MYO5A: variants seen among roughly 807,000 people sequenced by gnomAD.
The protein encoded by MYO5A is unconventional myosin-Va.
Under a neutral mutation model 249.7 loss-of-function variants are expected in MYO5A, and 98 were observed. That is an observed-to-expected ratio of 0.39 (90% CI 0.33 to 0.46). The LOEUF (loss-of-function observed/expected upper bound fraction) is 0.46, where lower values mean the gene tolerates loss of function less well. Among genes scored for constraint, MYO5A ranks in the 20% least tolerant of loss-of-function variants. The pLI, the probability that MYO5A is intolerant of heterozygous loss-of-function variation, is 0.98. For missense variants in MYO5A, 1,696 were observed against 2,308.8 expected, an observed-to-expected ratio of 0.73 and a Z score of 5.44; for synonymous variants, 778 against 810.6, an observed-to-expected ratio of 0.96 and a Z score of 0.68.
At chr15:52,351,721 T>G (rs568224417) in intron 27 of MYO5A, among the ~76,000 whole-genome samples, 7 of 152,320 alleles carry the variant, frequency 4.6e-5, no homozygotes, top group African/African-American at 1.7e-4. Context: ...CAGAGTCAAA[T>G]GTAGTATTCT....
At position 52,512,195 on chromosome 15, in the gene MYO5A, C is replaced by T. The variant is rs552848627; in HGVS notation, c.27+16585G>A. ...AAAAAAAAATTGATATCATAATTCACCAAGTTTGTGTTCCAATATTGTTAT... is the reference window on the plus strand; with the variant it reads ...AAAAAAAAATTGATATCATAATTCATCAAGTTTGTGTTCCAATATTGTTAT... On this transcript the variant is annotated intron_variant, in intron 1 of 41. Coordinates refer to ENST00000399233, the MANE Select transcript of MYO5A (RefSeq NM_001382347.1). Among the ~76,000 whole-genome samples, 31 of 151,478 alleles carry T rather than the reference C, an allele frequency of 2.0e-4. 3 individuals carry two copies. In the South Asian group the frequency reaches 6.5e-3, roughly 32 times the overall value.
chr15:52,506,413 G>T (rs1485624148), intron 1 of MYO5A, among the ~76,000 whole-genome samples: 1 of 151,916 alleles, frequency 6.6e-6, no homozygotes, highest in African/African-American at 2.4e-5. Context: ...TGTAATCCCA[G>T]CTACTCAGGT....
chr15:52,323,615 C>A (rs760854320), intron 36 of MYO5A, 171 bp from the exon 37 acceptor site: 2 of 567,210 alleles, frequency 3.5e-6, no homozygotes, highest in Admixed American at 2.8e-5. Context: ...AGAATGTCAG[C>A]GACCAGGTTC....
chr15:52,452,443 T>C lies in MYO5A; in HGVS notation c.28-19158A>G, dbSNP rs542790809. Among the ~76,000 whole-genome samples the C allele has an allele frequency of 2.0e-5, 3 of 152,256 alleles. No homozygotes were observed. In the East Asian group the frequency reaches 5.8e-4, roughly 29 times the overall value. Reference sequence around the variant, plus strand: ...TTGCCTCAACCCACAGGAAGTATCATGAGTGCCTGAAGGGTGAAATACCCC... The same window carrying C: ...TTGCCTCAACCCACAGGAAGTATCACGAGTGCCTGAAGGGTGAAATACCCC... On this transcript the variant is annotated intron_variant, in intron 1 of 41. Transcript: ENST00000399233.
chr15:52,367,876 C>T (rs1327097148), intron 22 of MYO5A, among the ~76,000 whole-genome samples: 4 of 99,268 alleles, frequency 4.0e-5, no homozygotes, highest in Non-Finnish European at 8.2e-5. Flanking sequence ...TTAAAACACA[C>T]ACACACACAC....
At chr15:52,493,519 G>A (rs1014868332) in intron 1 of MYO5A, among the ~76,000 whole-genome samples, 1 of 152,042 alleles carries the variant, frequency 6.6e-6, no homozygotes, top group African/African-American at 2.4e-5. Context: ...AAAATCAGCT[G>A]GGCACGGTGG....
intron 1 of MYO5A, among the ~76,000 whole-genome samples, chr15:52,451,719 C>A (rs144526778): frequency 3.2e-3 from 490 of 152,288 alleles, no homozygotes; most frequent in Admixed American, 5.9e-3. Flanking sequence ...TTTTTCTTGG[C>A]CTGGAATCCC....
chr15:52,387,790 G>C, intron 14 of MYO5A, 39 bp downstream of exon 14: 2 of 1,389,120 alleles, frequency 1.4e-6, no homozygotes. Context: ...CTAATGCTTT[G>C]CATACATCCT....
At chr15:52,329,095 C>T (rs920083068) in intron 35 of MYO5A, 2 of 152,158 alleles carry the variant, frequency 1.3e-5, no homozygotes, top group Admixed American at 1.3e-4. Flanking sequence ...AGACTGGGTA[C>T]TTCACTTTGC....
intron 25 of MYO5A, among the ~76,000 whole-genome samples, 189 bp downstream of exon 25, chr15:52,359,771 ATAGGTATG>A (rs1288920593): frequency 6.6e-6 from 1 of 152,252 alleles, no homozygotes; most frequent in Non-Finnish European, 1.5e-5. Flanking sequence ...AAAAAATGCA[ATAGGTATG>A]TATGTACACA....
chr15:52,311,439 G>A lies in MYO5A; in HGVS notation c.*2257C>T, dbSNP rs1372493936. The A allele has an allele frequency of 2.0e-5, 3 of 152,124 alleles. No individual in the cohort carries two copies. Among genetic ancestry groups the A allele is most frequent in the African/African-American group, 7.2e-5 (3 of 41,420 alleles). The allele number at this position is 152,124 out of a possible 1,614,324, so 9.4% of individuals were successfully genotyped here. ...GCATTGAAAACCGCATTGACAACCA[G>A]GAAAAACTGGGAGAATTTGATGCAA... On this transcript the variant is annotated 3_prime_UTR_variant, in exon 42 of 42. Coordinates refer to ENST00000399233, the MANE Select transcript of MYO5A (RefSeq NM_001382347.1).
intron 28 of MYO5A, among the ~76,000 whole-genome samples, chr15:52,350,121 A>G (rs1033343716): frequency 2.0e-5 from 3 of 152,060 alleles, no homozygotes; most frequent in Admixed American, 1.3e-4. Context: ...TTTAGTAGAG[A>G]TGGGGTTTCA....
intron 9 of MYO5A, among the ~76,000 whole-genome samples, chr15:52,402,012 T>C (rs1322747641): frequency 6.6e-6 from 1 of 152,204 alleles, no homozygotes; most frequent in African/African-American, 2.4e-5. Context: ...TTTTGTTTCA[T>C]TGGGGGACTT....
chr15:52,494,000 A>G (rs1243012008), intron 1 of MYO5A, among the ~76,000 whole-genome samples: 8 of 152,236 alleles, frequency 5.3e-5, no homozygotes, highest in African/African-American at 1.9e-4. Flanking sequence ...CTACGAGCAC[A>G]GCAAGCTTCA....
In MYO5A at chr15:52,313,673, C is replaced by T; in HGVS notation, c.*23G>A. On this transcript the variant is annotated 3_prime_UTR_variant, in exon 42 of 42. Coordinates refer to ENST00000399233, the MANE Select transcript of MYO5A (RefSeq NM_001382347.1). The stretch of plus-strand genomic sequence containing the variant: ...TTATTTCGGGCAAGAAATGTATTGT[C>T]AATTTTTGCCTGGACATCACTTTCA... 6.2e-7 allele frequency: 1 copy of T among 1,613,772 alleles called. No homozygotes were observed. The highest frequency in any genetic ancestry group is 8.5e-7 in the Non-Finnish European group (1 of 1,179,792).
rs183302379 is a variant in MYO5A at position 52,364,656 on chromosome 15, G to A, written c.3207C>T (p.Leu1069=). 424 of 1,613,596 alleles carry A rather than the reference G, an allele frequency of 2.6e-4. No individual in the cohort carries two copies. The East Asian group carries it at 7.0e-3, about 27-fold the overall frequency. Residue 1069 remains leucine (L), a synonymous_variant, in exon 24 of 42, where the codon CTC becomes CTT. Transcript: ENST00000399233. The part of the protein sequence containing the change: ...KLVEETKQLE[L]DLNDERLRYQ... Reference sequence around the variant, plus strand: ...ATCTCAGCCTTTCATCATTAAGGTCGAGTTCCAGTTGTTTCGTTTCTTCTA... The same window carrying A: ...ATCTCAGCCTTTCATCATTAAGGTCAAGTTCCAGTTGTTTCGTTTCTTCTA...
Position 52,497,243 on chromosome 15 carries a change from T to C in MYO5A, c.27+31537A>G, listed in dbSNP as rs1442761664. On this transcript the variant is annotated intron_variant, in intron 1 of 41. Transcript: ENST00000399233. ...TCCCAAAGTGTTGGGATTACAGGTG[T>C]GGGCCACTGCACCCAGCCCGAGAAA... Among the ~76,000 whole-genome samples, 3 of 151,976 alleles carry C rather than the reference T, an allele frequency of 2.0e-5. No individual in the cohort carries two copies. In the East Asian group the frequency reaches 5.8e-4, roughly 29 times the overall value.
rs894007015 is a variant in MYO5A, at chr15:52,508,582, C to T, written c.27+20198G>A. ...CTGGCCAAGATTACTTGTAGGCATA[C>T]CATTGGTTCCCTGAATTATTGGGCT... On this transcript the variant is annotated intron_variant, in intron 1 of 41. Transcript: ENST00000399233. Among the ~76,000 whole-genome samples, 6 of 152,274 alleles carry T rather than the reference C, an allele frequency of 3.9e-5. No homozygotes were observed. In the East Asian group the frequency reaches 1.2e-3, roughly 29 times the overall value.
At chr15:52,367,714 A>T (rs940449759) in intron 22 of MYO5A, among the ~76,000 whole-genome samples, 1 of 152,188 alleles carries the variant, frequency 6.6e-6, no homozygotes, top group Non-Finnish European at 1.5e-5. Flanking sequence ...TTTCTCTTTC[A>T]TCTCCCTTTA....
Sources: allele counts gnomAD v4.1 joint callset (sites outside exome capture counted in the v4.1 genomes callset), GRCh38; gene constraint gnomAD v4.1.1; transcripts MANE v1.5; gene names NCBI Gene and HGNC (gene_info 2026-07-23, HGNC 2026-07-21).